The following NBEA variants were observed in gnomAD, a reference collection of about 807,000 sequenced individuals.
The protein encoded by NBEA is lysosomal-trafficking regulator 2.
In NBEA, 44 loss-of-function variants were observed where a neutral mutation model predicts 343.4. That is an observed-to-expected ratio of 0.13 (90% CI 0.10 to 0.16). NBEA has a LOEUF of 0.16. Among genes scored for constraint, NBEA ranks in the 10% least tolerant of loss-of-function variants. The pLI, the probability that NBEA is intolerant of heterozygous loss-of-function variation, is 1.00. For synonymous variants in NBEA, 1,175 were observed against 1,238.7 expected, an observed-to-expected ratio of 0.95 and a Z score of 1.08; for missense variants, 2,555 against 3,631.3, an observed-to-expected ratio of 0.70 and a Z score of 7.62.
At chr13:35,642,238 T>G (rs2083996203) in intron 49 of NBEA, among the ~76,000 whole-genome samples, 1 of 152,216 alleles carries the variant, frequency 6.6e-6, no homozygotes. Flanking sequence ...TTATTGATTC[T>G]AAGATGCACA....
chr13:35,293,445 T>G (rs1488910349), intron 35 of NBEA, among the ~76,000 whole-genome samples: 1 of 151,994 alleles, frequency 6.6e-6, no homozygotes, highest in African/African-American at 2.4e-5. Context: ...AAGTTGTTAG[T>G]AGCATTTTAA....
At chr13:35,171,561 A>G in intron 26 of NBEA, 109 bp downstream of exon 26, 1 of 881,618 alleles carries the variant, frequency 1.1e-6, no homozygotes, top group Non-Finnish European at 1.6e-6. Context: ...ATTATATAAT[A>G]TGGAGATTAT....
intron 34 of NBEA, among the ~76,000 whole-genome samples, chr13:35,261,156 G>A (rs1214999088): frequency 6.6e-6 from 1 of 152,180 alleles, no homozygotes; most frequent in Non-Finnish European, 1.5e-5. Context: ...TCTGGGAAAT[G>A]ACAGGGATAA....
intron 36 of NBEA, among the ~76,000 whole-genome samples, chr13:35,326,232 G>A (rs946936232): frequency 9.2e-5 from 14 of 151,990 alleles, no homozygotes; most frequent in African/African-American, 3.4e-4. Context: ...TCTGTAGTAT[G>A]GCTATTTTAA....
chr13:35,003,773 T>A lies in NBEA; in HGVS notation c.295-37160T>A, dbSNP rs73487629. Among the ~76,000 whole-genome samples the A allele has an allele frequency of 6.3e-3, 966 of 152,290 alleles. 11 individuals are homozygous for A. The highest frequency in any genetic ancestry group is 0.022 in the African/African-American group (925 of 41,552). Reference sequence around the variant, plus strand: ...GGTGGGATGCTTTGTCGTCTTTTTTTAAGAAAATTTAATTTTATTTTAAGT... The same window carrying A: ...GGTGGGATGCTTTGTCGTCTTTTTTAAAGAAAATTTAATTTTATTTTAAGT... On this transcript the variant is annotated intron_variant, in intron 1 of 58. Coordinates refer to ENST00000379939, the MANE Select transcript of NBEA (RefSeq NM_001385012.1).
intron 1 of NBEA, among the ~76,000 whole-genome samples, chr13:34,957,068 T>C (rs921187947): frequency 5.9e-5 from 9 of 151,966 alleles, no homozygotes; most frequent in Non-Finnish European, 1.0e-4. Flanking sequence ...TATACATACA[T>C]ATGTATAAAC....
At chr13:35,259,231 G>A (rs764026153) in intron 34 of NBEA, among the ~76,000 whole-genome samples, 48 of 151,922 alleles carry the variant, frequency 3.2e-4, no homozygotes, top group Non-Finnish European at 1.3e-4. Context: ...TTTTAGCTCG[G>A]CACCAGACTC....
chr13:35,372,421 C>G (rs145053306), intron 38 of NBEA, among the ~76,000 whole-genome samples: 1 of 152,270 alleles, frequency 6.6e-6, no homozygotes, highest in East Asian at 1.9e-4. Context: ...ATCTCCAGGC[C>G]TCCAGAGAGT....
chr13:35,291,182 G>A (rs1227984405), intron 35 of NBEA, among the ~76,000 whole-genome samples: 3 of 151,744 alleles, frequency 2.0e-5, no homozygotes, highest in Non-Finnish European at 4.4e-5. Flanking sequence ...AATATCAGAA[G>A]GAAAAAAGAG....
At chr13:35,148,852 A>G (rs1364664215) in intron 18 of NBEA, among the ~76,000 whole-genome samples, 1 of 152,208 alleles carries the variant, frequency 6.6e-6, no homozygotes, top group Non-Finnish European at 1.5e-5. Context: ...GCAGCCATAG[A>G]CAGTATGAAC....
rs946901316 is a variant in NBEA, at chr13:35,502,500, T to G, written c.6585+29964T>G. On this transcript the variant is annotated intron_variant, in intron 41 of 58. Transcript: ENST00000379939. ...TTTTCTTCATTATATTTTCCCTGGG[T>G]TTTTTTTTTTCTTTTCTTTCTTCCA... is the stretch of plus-strand genomic sequence containing the variant. Among the ~76,000 whole-genome samples, 5 of 136,748 alleles carry G rather than the reference T, an allele frequency of 3.7e-5. No individual in the cohort carries two copies. The South Asian group carries it at 1.2e-3, about 32-fold the overall frequency. The allele number at this position is 136,748 out of a possible 152,430, so 89.7% of individuals were successfully genotyped here.
At chr13:35,614,292 G>A (rs564575276) in intron 48 of NBEA, among the ~76,000 whole-genome samples, 1 of 152,164 alleles carries the variant, frequency 6.6e-6, no homozygotes, top group African/African-American at 2.4e-5. Context: ...TACAAGGAAT[G>A]ATACTTCATT....
At chr13:35,021,862 T>G (rs1246772120) in intron 1 of NBEA, among the ~76,000 whole-genome samples, 1 of 152,150 alleles carries the variant, frequency 6.6e-6, no homozygotes, top group Non-Finnish European at 1.5e-5. Context: ...TAGTTATGTT[T>G]TAAAGAGATT....
chr13:35,190,029 GAGGATAGGA>G (rs1253240335), intron 30 of NBEA, among the ~76,000 whole-genome samples: 2 of 152,210 alleles, frequency 1.3e-5, no homozygotes, highest in African/African-American at 4.8e-5. Context: ...AGCAGCCACT[GAGGATAGGA>G]GTGGGAGTAG....
chr13:34,950,362 T>G (rs1425155590), intron 1 of NBEA, among the ~76,000 whole-genome samples: 1 of 152,134 alleles, frequency 6.6e-6, no homozygotes, highest in African/African-American at 2.4e-5. Flanking sequence ...AACCAAGCCA[T>G]ACATTGCTGA....
At chr13:35,435,119 C>T (rs1227528924) in intron 39 of NBEA, among the ~76,000 whole-genome samples, 1 of 152,092 alleles carries the variant, frequency 6.6e-6, no homozygotes, top group Non-Finnish European at 1.5e-5. Flanking sequence ...ACCTTCACCT[C>T]CTGGGTTCAA....
chr13:35,642,344 G>A (rs1366207370), intron 49 of NBEA, among the ~76,000 whole-genome samples: 1 of 152,036 alleles, frequency 6.6e-6, no homozygotes, highest in Non-Finnish European at 1.5e-5. Context: ...CTTATTAATA[G>A]TATATAAAAT....
chr13:35,275,604 A>T (rs1227706298), intron 34 of NBEA, among the ~76,000 whole-genome samples: 2 of 152,218 alleles, frequency 1.3e-5, no homozygotes, highest in Non-Finnish European at 2.9e-5. Flanking sequence ...CAATCTACTC[A>T]TCTGACAAAG....
At chr13:35,519,126 T>A (rs997531271) in intron 41 of NBEA, among the ~76,000 whole-genome samples, 18 of 152,208 alleles carry the variant, frequency 1.2e-4, no homozygotes, top group Admixed American at 3.3e-4. Flanking sequence ...TATTCTTTTC[T>A]TCTTGTTTTT....
Sources: gnomAD v4.1 joint callset for allele counts (sites outside exome capture counted in the v4.1 genomes callset) on GRCh38, gnomAD v4.1.1 for gene constraint, MANE v1.5 for transcripts, NCBI Gene and HGNC (gene_info 2026-07-23, HGNC 2026-07-21) for gene names.